Variants in ABHD4 observed in about 807,000 individuals in gnomAD.
ABHD4 encodes the protein abhydrolase domain containing 4, N-acyl phospholipase B, also known as (Lyso)-N-acylphosphatidylethanolamine lipase.
A neutral mutation model predicts 42.3 loss-of-function variants in ABHD4; 35 were observed. The ratio of observed to expected loss-of-function variants is 0.83; its 90% CI spans 0.63 to 1.10. The LOEUF is 1.10. Ranked by LOEUF, ABHD4 falls within the 50% of genes least tolerant of loss-of-function variation. ABHD4 has a pLI of 0.00. For missense variants in ABHD4, 389 were observed against 454.8 expected, an observed-to-expected ratio of 0.86 and a Z score of 1.32; for synonymous variants, 169 against 170.6, an observed-to-expected ratio of 0.99 and a Z score of 0.07.
chr14:22,609,632 C>T (rs2037387987), intron 5 of ABHD4, 92 bp from the exon 6 acceptor site: 2 of 1,394,858 alleles, frequency 1.4e-6, no homozygotes, highest in East Asian at 4.6e-5. Context: ...GACAGGAATA[C>T]AAAGGTGACT....
intron 5 of ABHD4, among the ~76,000 whole-genome samples, chr14:22,607,287 G>A (rs1181065266): frequency 1.3e-5 from 2 of 152,140 alleles, no homozygotes; most frequent in African/African-American, 2.4e-5. Flanking sequence ...GTGGATGGCA[G>A]GGCAGTCAGG....
Position 22,609,155 on chromosome 14 carries a change from G to A in ABHD4, c.753-569G>A, listed in dbSNP as rs1437806936. Among the ~76,000 whole-genome samples the A allele has an allele frequency of 2.0e-5, 3 of 150,120 alleles. No individual in the cohort carries two copies. The South Asian group carries it at 6.3e-4, about 32-fold the overall frequency. The stretch of plus-strand genomic sequence containing the variant: ...TGGGATTACAGAAGCGCACCACCAC[G>A]CCCCGCTAATTTTTGTATTTTTAGT... On this transcript the variant is annotated intron_variant, in intron 5 of 6. Transcript: ENST00000428304.
chr14:22,608,543 G>A (rs900231638), intron 5 of ABHD4, among the ~76,000 whole-genome samples: 4 of 152,208 alleles, frequency 2.6e-5, no homozygotes, highest in Non-Finnish European at 5.9e-5. Flanking sequence ...TTCTCAGGAA[G>A]CCCTTTTTAC....
At chr14:22,609,574 G>T in intron 5 of ABHD4, 150 bp from the exon 6 acceptor site, 1 of 813,618 alleles carries the variant, frequency 1.2e-6, no homozygotes. Flanking sequence ...TGGAATTTTG[G>T]TCTTCCCCTA....
At chr14:22,602,893 T>G (rs1426472051) in intron 2 of ABHD4, among the ~76,000 whole-genome samples, 1 of 152,058 alleles carries the variant, frequency 6.6e-6, no homozygotes, top group East Asian at 1.9e-4. Flanking sequence ...CATTAAGGAC[T>G]AGTGGGGATT....
chr14:22,602,970 A>G (rs995768692), intron 2 of ABHD4, among the ~76,000 whole-genome samples: 4 of 152,204 alleles, frequency 2.6e-5, no homozygotes, highest in Non-Finnish European at 5.9e-5. Context: ...TCAAAGATAA[A>G]GGGAGATATC....
At chr14:22,604,161 A>T (rs2037321190) in intron 4 of ABHD4, 82 bp downstream of exon 4, 1 of 1,512,270 alleles carries the variant, frequency 6.6e-7, no homozygotes, top group South Asian at 1.2e-5. Flanking sequence ...TATTCCTAAA[A>T]AGTGGAAATT....
At chr14:22,598,990 G>C (rs1444252770) in intron 1 of ABHD4, 1 of 153,458 alleles carries the variant, frequency 6.5e-6, no homozygotes, top group Non-Finnish European at 1.5e-5. Context: ...GATACCACCT[G>C]TAGGTGGTGT....
At chr14:22,603,254 G>T in intron 2 of ABHD4, 136 bp from the exon 3 acceptor site, 1 of 1,119,198 alleles carries the variant, frequency 8.9e-7, no homozygotes, top group Non-Finnish European at 1.3e-6. Flanking sequence ...TGGTCAGAGG[G>T]TTGTGAGAGG....
At chr14:22,606,134 C>T (rs2037346228) in intron 4 of ABHD4, among the ~76,000 whole-genome samples, 1 of 152,124 alleles carries the variant, frequency 6.6e-6, no homozygotes, top group South Asian at 2.1e-4. Flanking sequence ...GTGATTCTTG[C>T]AGGGAAAGAT....
At chr14:22,601,131 C>T (rs2037280324) in intron 1 of ABHD4, among the ~76,000 whole-genome samples, 1 of 152,146 alleles carries the variant, frequency 6.6e-6, no homozygotes, top group African/African-American at 2.4e-5. Flanking sequence ...ATGGGTTGGA[C>T]TGATTGATTA....
Position 22,604,080 on chromosome 14 carries a change from G to T in ABHD4, c.640+1G>T. The T allele has an allele frequency of 6.2e-7, 1 of 1,614,170 alleles. No homozygotes were observed. The highest frequency in any genetic ancestry group is 8.5e-7 in the Non-Finnish European group (1 of 1,180,024). ...GTTCTTCGAGTAGCTGGGCCCTGGGGTGAGTAGCCTGTAGTATCTCCTTAA... is the reference window on the plus strand; with the variant it reads ...GTTCTTCGAGTAGCTGGGCCCTGGGTTGAGTAGCCTGTAGTATCTCCTTAA... On this transcript the variant is annotated splice_donor_variant, in intron 4 of 6. Transcript: ENST00000428304. LOFTEE classifies it high-confidence loss of function.
chr14:22,601,390 G>A lies in ABHD4; in HGVS notation c.24-277G>A, dbSNP rs565906422. 2.6e-5 allele frequency among the ~76,000 whole-genome samples: 4 copies of A among 152,340 alleles called. No homozygotes were observed. In the South Asian group the frequency reaches 8.3e-4, roughly 32 times the overall value. On this transcript the variant is annotated intron_variant, in intron 1 of 6. Transcript: ENST00000428304. Reference sequence around the variant, plus strand: ...TAACAAGGAGAAATTAGAAAGCTGAGATAATAAATGTGACAGAGCTTTGTA... The same window carrying A: ...TAACAAGGAGAAATTAGAAAGCTGAAATAATAAATGTGACAGAGCTTTGTA...
At chr14:22,598,515 G>A in intron 1 of ABHD4, 186 bp downstream of exon 1, 2 of 1,518,668 alleles carry the variant, frequency 1.3e-6, no homozygotes, top group South Asian at 1.2e-5. Flanking sequence ...CAGCGGCTGA[G>A]CCTGGGGAGC....
chr14:22,606,556 G>C (rs1431183477), intron 5 of ABHD4, 23 bp downstream of exon 5: 2 of 1,529,884 alleles, frequency 1.3e-6, no homozygotes, highest in Admixed American at 1.7e-5. Flanking sequence ...CCCCAGGCCA[G>C]CTTGGGGCAG....
chr14:22,599,283 A>G (rs928258095), intron 1 of ABHD4, among the ~76,000 whole-genome samples: 3 of 152,228 alleles, frequency 2.0e-5, no homozygotes, highest in Non-Finnish European at 4.4e-5. Flanking sequence ...GGGAGGCAGA[A>G]TATTAGAGCT....
At position 22,612,870 on chromosome 14, in the gene ABHD4, G is replaced by C. The variant is rs190498754; in HGVS notation, c.*1922G>C. On this transcript the variant is annotated 3_prime_UTR_variant, in exon 7 of 7. Transcript: ENST00000428304. Reference sequence around the variant, plus strand: ...ATAAACTTGTGGTTACTTGTTTAGCGTCTCTTTCCTCCCCAGACCATAAGC... The same window carrying C: ...ATAAACTTGTGGTTACTTGTTTAGCCTCTCTTTCCTCCCCAGACCATAAGC... 2 of 152,086 alleles carry C rather than the reference G, an allele frequency of 1.3e-5. No individual in the cohort carries two copies. The highest frequency in any genetic ancestry group is 4.8e-5 in the African/African-American group (2 of 41,378). 9.4% of individuals were successfully genotyped at this position (152,086 alleles called of 1,614,324 possible).
chr14:22,605,369 T>A (rs116859007), intron 4 of ABHD4, among the ~76,000 whole-genome samples: 4 of 152,168 alleles, frequency 2.6e-5, no homozygotes, highest in African/African-American at 9.7e-5. Context: ...AGCCAATTAT[T>A]ATGAGTTAAT....
Position 22,601,758 on chromosome 14 carries a change from A to G in ABHD4, c.112+3A>G. On this transcript the variant is annotated splice_donor_region_variant and intron_variant, in intron 2 of 6. Transcript: ENST00000428304. ...TGTGGAAGCCAGGATCCTCCAGTGTAAGTAGAATGGACAGCTTGTCCCACC... is the reference window on the plus strand; with the variant it reads ...TGTGGAAGCCAGGATCCTCCAGTGTGAGTAGAATGGACAGCTTGTCCCACC... 1 of 1,613,880 alleles carries G rather than the reference A, an allele frequency of 6.2e-7. No homozygotes were observed. Among genetic ancestry groups the G allele is most frequent in the East Asian group, 2.2e-5 (1 of 44,882 alleles).
Sources: gnomAD v4.1 joint callset for allele counts (sites outside exome capture counted in the v4.1 genomes callset) on GRCh38, gnomAD v4.1.1 for gene constraint, MANE v1.5 for transcripts, NCBI Gene and HGNC (gene_info 2026-07-23, HGNC 2026-07-21) for gene names.